Variants in FRMD4B observed in about 807,000 individuals in gnomAD.
FRMD4B encodes FERM domain containing 4B, also known as FERM domain-containing protein 4B.
A neutral mutation model predicts 141.5 loss-of-function variants in FRMD4B; 74 were observed. That is an observed-to-expected ratio of 0.52 (90% confidence interval 0.43 to 0.63). The LOEUF (loss-of-function observed/expected upper bound fraction) is 0.63, where lower values mean the gene tolerates loss of function less well. FRMD4B is among the 30% of genes least tolerant of loss of function. The pLI, the probability that FRMD4B is intolerant of heterozygous loss-of-function variation, is 0.00. For synonymous variants in FRMD4B, 506 were observed against 467.9 expected (o/e 1.08, Z -1.05); for missense variants, 1,366 against 1,253.4 (o/e 1.09, Z -1.36).
intron 13 of FRMD4B, 169 bp downstream of exon 13, chr3:69,196,731 A>G (rs1156754656): frequency 1.6e-6 from 1 of 609,034 alleles, no homozygotes; most frequent in African/African-American, 1.9e-5. Context: ...CAGCTTATAT[A>G]TTGCCCATCA....
chr3:69,310,382 T>C, intron 3 of FRMD4B: 2 of 437,228 alleles, frequency 4.6e-6, no homozygotes, highest in South Asian at 3.2e-5. Flanking sequence ...TGCTGGATGG[T>C]TGGCCAACAT....
chr3:69,505,598 A>G (rs1706582618), intron 1 of FRMD4B, among the ~76,000 whole-genome samples: 1 of 152,180 alleles, frequency 6.6e-6, no homozygotes, highest in Non-Finnish European at 1.5e-5. Flanking sequence ...TAATATCCAG[A>G]AAAATAATTT....
At chr3:69,532,723 C>T (rs546166478) in intron 1 of FRMD4B, among the ~76,000 whole-genome samples, 2 of 152,216 alleles carry the variant, frequency 1.3e-5, no homozygotes, top group Admixed American at 1.3e-4. Context: ...GTCCCGCATT[C>T]TGGTCACATA....
Position 69,520,863 on chromosome 3 carries a change from A to G in FRMD4B, c.-129+21343T>C, listed in dbSNP as rs113957939. On this transcript the variant is annotated intron_variant, in intron 1 of 5. Transcript: ENST00000459638. ...AAAGGGAAGGATTAAGGTCATCAGA[A>G]TATTAGAAAGGCTTATTTATCTACC... 8.5e-3 allele frequency among the ~76,000 whole-genome samples: 1,293 copies of G among 152,262 alleles called. 21 individuals carry two copies. Among genetic ancestry groups the G allele is most frequent in the African/African-American group, 0.029 (1,192 of 41,534 alleles).
intron 2 of FRMD4B, among the ~76,000 whole-genome samples, chr3:69,405,698 G>A (rs17005829): frequency 0.031 from 4,753 of 152,154 alleles, 268 homozygotes; most frequent in African/African-American, 0.11. Context: ...CTAGTTCTGC[G>A]ATACGCCACA....
intron 11 of FRMD4B, among the ~76,000 whole-genome samples, chr3:69,212,359 C>CAAAAAAAAAAAAAAA (rs869309749): frequency 2.8e-4 from 7 of 25,348 alleles, no homozygotes; most frequent in African/African-American, 3.3e-4. Context: ...AACCCCGTCT[C>CAAAAAAAAAAAAAAA]AAAAAAAAAA....
At chr3:69,397,300 G>A (rs1394413300) in intron 2 of FRMD4B, among the ~76,000 whole-genome samples, 3 of 152,148 alleles carry the variant, frequency 2.0e-5, no homozygotes, top group Non-Finnish European at 4.4e-5. Flanking sequence ...TAAGTTGGTG[G>A]TTGCCAGGGA....
chr3:69,265,577 A>G (rs1347416932), intron 5 of FRMD4B, among the ~76,000 whole-genome samples: 4 of 149,682 alleles, frequency 2.7e-5, no homozygotes, highest in Non-Finnish European at 5.9e-5. Flanking sequence ...CCTCCCGAGT[A>G]GCTGGGACTA....
chr3:69,371,935 A>G (rs555939574), intron 1 of FRMD4B, among the ~76,000 whole-genome samples: 24 of 152,306 alleles, frequency 1.6e-4, no homozygotes, highest in Admixed American at 1.5e-3. Context: ...AACATCTTCA[A>G]TGGCTTCCCA....
At chr3:69,200,367 A>C in intron 11 of FRMD4B, 2 of 909,840 alleles carry the variant, frequency 2.2e-6, no homozygotes, top group Non-Finnish European at 2.6e-6. Flanking sequence ...ATAAAGTTAC[A>C]TACCCATTTC....
At chr3:69,536,896 GC>G (rs1473862117) in intron 1 of FRMD4B, among the ~76,000 whole-genome samples, 1 of 152,050 alleles carries the variant, frequency 6.6e-6, no homozygotes, top group Non-Finnish European at 1.5e-5. Context: ...ACAGGAATGT[GC>G]CACCACACCC....
chr3:69,536,453 G>A, intron 1 of FRMD4B: 1 of 705,454 alleles, frequency 1.4e-6, no homozygotes, highest in Non-Finnish European at 2.6e-6. Flanking sequence ...GGGTACTTGT[G>A]CAGGATGTAG....
intron 7 of FRMD4B, among the ~76,000 whole-genome samples, chr3:69,228,835 TAAA>T (rs71115665): frequency 7.1e-6 from 1 of 141,320 alleles, no homozygotes. Flanking sequence ...TTCTCTTATT[TAAA>T]AAAAAAAAAA....
chr3:69,404,791 T>C (rs753548283), intron 2 of FRMD4B, among the ~76,000 whole-genome samples: 20 of 152,096 alleles, frequency 1.3e-4, no homozygotes, highest in Non-Finnish European at 2.4e-4. Flanking sequence ...GTCAGATGGT[T>C]CAGAACCCCA....
At chr3:69,489,319 CATATATAAATGAGATATATGT>C (rs1706267994) in intron 1 of FRMD4B, among the ~76,000 whole-genome samples, 2 of 145,284 alleles carry the variant, frequency 1.4e-5, no homozygotes, top group African/African-American at 5.0e-5. Flanking sequence ...AAAATGTATA[CATATATAAATGAGATATATGT>C]ATATAAAATG....
intron 2 of FRMD4B, among the ~76,000 whole-genome samples, chr3:69,420,018 A>G (rs577280029): frequency 1.7e-4 from 26 of 152,204 alleles, no homozygotes; most frequent in South Asian, 2.1e-4. Flanking sequence ...CACCACGCCC[A>G]GCTAATTTTT....
chr3:69,471,617 T>C (rs57694661), intron 1 of FRMD4B: 2 of 185,054 alleles, frequency 1.1e-5, no homozygotes, highest in African/African-American at 2.4e-5. Flanking sequence ...CTGTTTTCCT[T>C]TTTTCCCCCC....
Position 69,468,597 on chromosome 3 carries a change from T to G in FRMD4B, c.-128-35836A>C, listed in dbSNP as rs74715326. On this transcript the variant is annotated intron_variant, in intron 1 of 5. Coordinates refer to the FRMD4B transcript ENST00000459638. ...GGGAAGGGAGATACTTATGGACAAT[T>G]TTCTGCTCTTAAGGAGCAGCCACAA... Among the ~76,000 whole-genome samples, 147 of 152,264 alleles carry G rather than the reference T, an allele frequency of 9.7e-4. 4 individuals are homozygous for G. In the East Asian group the frequency reaches 0.024, roughly 25 times the overall value.
At chr3:69,504,808 A>G (rs762525339) in intron 1 of FRMD4B, among the ~76,000 whole-genome samples, 19 of 152,200 alleles carry the variant, frequency 1.2e-4, no homozygotes, top group Non-Finnish European at 2.8e-4. Flanking sequence ...AGACATGAAA[A>G]TGCTAGGTGA....
Sources: gnomAD v4.1 joint callset for allele counts (sites outside exome capture counted in the v4.1 genomes callset) on GRCh38, gnomAD v4.1.1 for gene constraint, MANE v1.5 for transcripts, NCBI Gene and HGNC (gene_info 2026-07-23, HGNC 2026-07-21) for gene names.